GARNL3: variants seen among roughly 807,000 people sequenced by gnomAD.
GARNL3 encodes GTPase activating Rap/RanGAP domain like 3.
GARNL3 carries 63 observed loss-of-function variants against 125.0 expected under a neutral mutation model. That is an observed-to-expected ratio of 0.50 (90% CI 0.41 to 0.62). GARNL3 has a LOEUF of 0.62. Ranked by LOEUF, GARNL3 falls within the 20% of genes least tolerant of loss-of-function variation. The pLI is 0.00. For missense variants in GARNL3, 994 were observed against 1,244.0 expected, an observed-to-expected ratio of 0.80 and a Z score of 3.02; for synonymous variants, 439 against 457.5, an observed-to-expected ratio of 0.96 and a Z score of 0.52.
At chr9:127,281,513 A>G (rs1164997146) in intron 1 of GARNL3, among the ~76,000 whole-genome samples, 1 of 152,132 alleles carries the variant, frequency 6.6e-6, no homozygotes, top group East Asian at 1.9e-4. Flanking sequence ...CTCAGCACCC[A>G]GCTGCCCAGC....
At chr9:127,319,265 A>T (rs1214000304) in intron 5 of GARNL3, among the ~76,000 whole-genome samples, 1 of 152,132 alleles carries the variant, frequency 6.6e-6, no homozygotes, top group Non-Finnish European at 1.5e-5. Context: ...CAGGCAGATC[A>T]TGAGGTCAGG....
At chr9:127,324,450 C>T (rs760255436) in intron 6 of GARNL3, among the ~76,000 whole-genome samples, 17 of 152,158 alleles carry the variant, frequency 1.1e-4, no homozygotes, top group Non-Finnish European at 2.5e-4. Flanking sequence ...CTCCGTGCCT[C>T]CATCCTGACC....
At chr9:127,328,493 A>T (rs980985540) in intron 7 of GARNL3, among the ~76,000 whole-genome samples, 2 of 152,204 alleles carry the variant, frequency 1.3e-5, no homozygotes, top group Non-Finnish European at 2.9e-5. Context: ...AAATGATGTC[A>T]GTGTCCTGAA....
At chr9:127,281,290 G>T (rs970382485) in intron 1 of GARNL3, among the ~76,000 whole-genome samples, 1 of 152,180 alleles carries the variant, frequency 6.6e-6, no homozygotes, top group Admixed American at 6.5e-5. Context: ...GGAGGTATTC[G>T]ATTTGAAAAG....
chr9:127,246,375 G>A (rs7022625), intron 2 of GARNL3, among the ~76,000 whole-genome samples: 3,511 of 152,236 alleles, frequency 0.023, 125 homozygotes, highest in African/African-American at 0.081. Context: ...TCTGGTAAGC[G>A]TATGGGTTGT....
chr9:127,391,870 G>A (rs184575333), intron 27 of GARNL3, among the ~76,000 whole-genome samples: 48 of 152,278 alleles, frequency 3.2e-4, no homozygotes, highest in Middle Eastern at 3.4e-3. Context: ...TAAGATCTCT[G>A]TTATCCTTCA....
chr9:127,390,789 T>C, intron 27 of GARNL3, 22 bp downstream of exon 27: 4 of 1,608,482 alleles, frequency 2.5e-6, no homozygotes, highest in Non-Finnish European at 3.4e-6. Context: ...GAGAGGCCCC[T>C]GCTTGGGGTG....
At chr9:127,339,385 CTT>C (rs1167633719) in intron 12 of GARNL3, among the ~76,000 whole-genome samples, 1 of 151,936 alleles carries the variant, frequency 6.6e-6, no homozygotes, top group Non-Finnish European at 1.5e-5. Flanking sequence ...AAAGTCATGT[CTT>C]ACATGGTGGC....
chr9:127,309,629 G>T (rs1200082089), intron 2 of GARNL3, among the ~76,000 whole-genome samples: 1 of 152,122 alleles, frequency 6.6e-6, no homozygotes, highest in Non-Finnish European at 1.5e-5. Flanking sequence ...GTGGATTCCA[G>T]AAATGTAAGA....
At chr9:127,352,058 G>T (rs1428784101) in intron 17 of GARNL3, among the ~76,000 whole-genome samples, 1 of 152,198 alleles carries the variant, frequency 6.6e-6, no homozygotes, top group Non-Finnish European at 1.5e-5. Context: ...TATGTAAAAT[G>T]AAGGGCCTCT....
At chr9:127,300,495 C>T (rs1346775526) in intron 2 of GARNL3, 3 of 383,732 alleles carry the variant, frequency 7.8e-6, no homozygotes, top group East Asian at 8.1e-5. Context: ...TTTTTTGAGA[C>T]GTAGGCTGGA....
Position 127,345,446 on chromosome 9 carries a change from G to A in GARNL3, c.1400G>A (p.Ser467Asn). Residue 467 changes from serine (S) to asparagine (N), a missense_variant, in exon 16 of 28, where the codon AGC becomes AAC. Transcript: ENST00000373387. ...ATTGTGAGAGGGGATGCTCCATCAA[G>A]CTTGGCAGCTTCAGGGATCTGTAAA... ...KSIVRGDAPS[S>N]LAASGICKKE... 2 of 1,608,816 alleles carry A rather than the reference G, an allele frequency of 1.2e-6. No homozygotes were observed. The highest frequency in any genetic ancestry group is 1.7e-6 in the Non-Finnish European group (2 of 1,177,362).
chr9:127,233,358 G>A (rs771053781), intron 1 of GARNL3, among the ~76,000 whole-genome samples: 5 of 152,184 alleles, frequency 3.3e-5, no homozygotes, highest in African/African-American at 9.7e-5. Flanking sequence ...GCCTGGTCAC[G>A]TGCTGAAATC....
chr9:127,313,250 G>A, intron 3 of GARNL3, 191 bp from the exon 4 acceptor site: 2 of 584,322 alleles, frequency 3.4e-6, no homozygotes, highest in Non-Finnish European at 6.2e-6. Context: ...GTTCATTCCT[G>A]AACCAGTCAC....
chr9:127,344,074 G>A (rs1278761337), intron 14 of GARNL3, among the ~76,000 whole-genome samples, 161 bp from the exon 15 acceptor site: 4 of 152,102 alleles, frequency 2.6e-5, no homozygotes, highest in Non-Finnish European at 4.4e-5. Context: ...TATCTACCAT[G>A]GACCTGGTAC....
chr9:127,286,209 G>A (rs997183748), intron 1 of GARNL3, among the ~76,000 whole-genome samples: 1 of 152,202 alleles, frequency 6.6e-6, no homozygotes, highest in African/African-American at 2.4e-5. Flanking sequence ...ACAAAGGGCT[G>A]GATGCATTCC....
At chr9:127,256,832 TC>T (rs2063503516) in intron 2 of GARNL3, among the ~76,000 whole-genome samples, 1 of 152,206 alleles carries the variant, frequency 6.6e-6, no homozygotes, top group African/African-American at 2.4e-5. Context: ...GTTGATACAA[TC>T]CACTGATGTT....
intron 1 of GARNL3, among the ~76,000 whole-genome samples, chr9:127,238,073 T>C (rs1379857240): frequency 6.6e-6 from 1 of 152,182 alleles, no homozygotes; most frequent in Non-Finnish European, 1.5e-5. Flanking sequence ...ACCTGACATG[T>C]TCTCCCTATG....
At chr9:127,357,643 A>G (rs1830757767) in intron 21 of GARNL3, among the ~76,000 whole-genome samples, 1 of 152,158 alleles carries the variant, frequency 6.6e-6, no homozygotes, top group Admixed American at 6.5e-5. Flanking sequence ...TCCGAATAAA[A>G]GAGATATGAA....
Sources: allele counts gnomAD v4.1 joint callset (sites outside exome capture counted in the v4.1 genomes callset), GRCh38; gene constraint gnomAD v4.1.1; transcripts MANE v1.5; gene names NCBI Gene and HGNC (gene_info 2026-07-23, HGNC 2026-07-21).